SLC35D2: variants seen among roughly 807,000 people sequenced by gnomAD.
The protein encoded by SLC35D2 is solute carrier family 35 member D2, also known as nucleotide sugar transporter SLC35D2.
A neutral mutation model predicts 41.8 loss-of-function variants in SLC35D2; 43 were observed. That is an observed-to-expected ratio of 1.03 (90% CI 0.81 to 1.33). The LOEUF (loss-of-function observed/expected upper bound fraction) is 1.33, where lower values mean the gene tolerates loss of function less well. SLC35D2 is among the 40% of genes most tolerant of loss of function. The pLI, the probability that SLC35D2 is intolerant of heterozygous loss-of-function variation, is 0.00. For synonymous variants in SLC35D2, 150 were observed against 163.9 expected (o/e 0.92, Z 0.65); for missense variants, 380 against 408.4 (o/e 0.93, Z 0.60).
intron 1 of SLC35D2, chr9:96,374,195 T>C (rs1302872111): frequency 1.3e-5 from 2 of 152,198 alleles, no homozygotes; most frequent in East Asian, 3.8e-4. Context: ...GAAAATAATT[T>C]ATAAATGAAT....
chr9:96,368,182 G>A, intron 2 of SLC35D2, 90 bp downstream of exon 2: 1 of 985,618 alleles, frequency 1.0e-6, no homozygotes. Context: ...GAATAAATTT[G>A]CAAACCACAG....
At chr9:96,378,716 G>A (rs1480377163) in intron 1 of SLC35D2, among the ~76,000 whole-genome samples, 1 of 151,822 alleles carries the variant, frequency 6.6e-6, no homozygotes, top group Non-Finnish European at 1.5e-5. Flanking sequence ...ATCAACCTGG[G>A]CAATAGAGCA....
chr9:96,319,505 TA>T (rs71368243), downstream of SLC35D2, among the ~76,000 whole-genome samples: 1 of 151,014 alleles, frequency 6.6e-6, no homozygotes, highest in African/African-American at 2.4e-5. Context: ...TACCACAATT[TA>T]AAAAAAAAGT....
At position 96,321,183 on chromosome 9, in the gene SLC35D2, C is replaced by T. The variant is rs1007786832; in HGVS notation, c.*59G>A. On this transcript the variant is annotated 3_prime_UTR_variant, in exon 12 of 12. Transcript: ENST00000253270. Reference sequence around the variant, plus strand: ...CGAAACCTCTGGCTTCACATTCCTACTGGGAATGCCCCCCCAGCCCGCAGT... The same window carrying T: ...CGAAACCTCTGGCTTCACATTCCTATTGGGAATGCCCCCCCAGCCCGCAGT... 1 of 1,307,354 alleles carries T rather than the reference C, an allele frequency of 7.6e-7. No individual in the cohort carries two copies. Among genetic ancestry groups the T allele is most frequent in the Non-Finnish European group, 1.1e-6 (1 of 908,178 alleles). The allele number at this position is 1,307,354 out of a possible 1,614,324, so 81.0% of individuals were successfully genotyped here.
At chr9:96,330,742 A>G (rs975700557) in intron 9 of SLC35D2, among the ~76,000 whole-genome samples, 1 of 152,156 alleles carries the variant, frequency 6.6e-6, no homozygotes, top group Non-Finnish European at 1.5e-5. Flanking sequence ...AAACTGAGTC[A>G]CACAAAAACT....
intron 1 of SLC35D2, among the ~76,000 whole-genome samples, chr9:96,374,512 G>A (rs1278111591): frequency 8.0e-6 from 1 of 125,268 alleles, no homozygotes; most frequent in Non-Finnish European, 1.6e-5. Flanking sequence ...CCAGCCTGGC[G>A]ACAAAGCGAG....
At chr9:96,376,219 C>T (rs1250298151) in intron 1 of SLC35D2, among the ~76,000 whole-genome samples, 8 of 147,854 alleles carry the variant, frequency 5.4e-5, no homozygotes, top group East Asian at 2.0e-4. Flanking sequence ...TGCTTGAACC[C>T]GGGAGGTGGA....
At chr9:96,344,104 C>G (rs12378941) in intron 7 of SLC35D2, 108 bp from the exon 8 acceptor site, 2 of 616,750 alleles carry the variant, frequency 3.2e-6, no homozygotes, top group Non-Finnish European at 5.6e-6. Flanking sequence ...AATGTGCATT[C>G]TGAGCAACTC....
intron 8 of SLC35D2, among the ~76,000 whole-genome samples, chr9:96,343,164 T>C (rs530662677): frequency 3.3e-4 from 51 of 152,352 alleles, no homozygotes; most frequent in African/African-American, 1.2e-3. Context: ...GGGTGGCCAC[T>C]GGAGCTGTCA....
chr9:96,319,966 C>T (rs77402110), downstream of SLC35D2, among the ~76,000 whole-genome samples: 1,325 of 152,248 alleles, frequency 8.7e-3, 25 homozygotes, highest in African/African-American at 0.03. Context: ...AAAGGTCTCC[C>T]GAGTTTAATA....
chr9:96,344,019 A>C, intron 7 of SLC35D2, 23 bp from the exon 8 acceptor site: 1 of 1,500,672 alleles, frequency 6.7e-7, no homozygotes, highest in Non-Finnish European at 9.1e-7. Flanking sequence ...AAATGTAAAA[A>C]CCACTCAGTT....
At chr9:96,351,898 G>A (rs1829828275) in intron 5 of SLC35D2, 140 bp downstream of exon 5, 1 of 502,650 alleles carries the variant, frequency 2.0e-6, no homozygotes, top group Non-Finnish European at 3.6e-6. Context: ...GGGAATCACA[G>A]AAGCACAAAA....
intron 1 of SLC35D2, among the ~76,000 whole-genome samples, chr9:96,370,755 T>C (rs1830643755): frequency 6.6e-6 from 1 of 152,168 alleles, no homozygotes; most frequent in South Asian, 2.1e-4. Context: ...GAAAATTTAA[T>C]GCATGGAAGA....
At chr9:96,330,077 C>G (rs1367305821) in intron 9 of SLC35D2, among the ~76,000 whole-genome samples, 1 of 152,224 alleles carries the variant, frequency 6.6e-6, no homozygotes, top group East Asian at 1.9e-4. Context: ...GGCCTCCTGA[C>G]CACAGACTGC....
At chr9:96,321,973 G>C in intron 11 of SLC35D2, 25 bp downstream of exon 11, 1 of 1,315,564 alleles carries the variant, frequency 7.6e-7, no homozygotes, top group East Asian at 2.3e-5. Flanking sequence ...TTCCCAAAGC[G>C]AGTCCATTAA....
At chr9:96,330,448 C>A (rs944372193) in intron 9 of SLC35D2, among the ~76,000 whole-genome samples, 1 of 152,182 alleles carries the variant, frequency 6.6e-6, no homozygotes, top group Admixed American at 6.6e-5. Flanking sequence ...TCGCCTTAAA[C>A]CATACTTAAG....
intron 10 of SLC35D2, among the ~76,000 whole-genome samples, chr9:96,323,401 C>T (rs1363313997): frequency 2.0e-5 from 3 of 152,144 alleles, no homozygotes; most frequent in Non-Finnish European, 2.9e-5. Context: ...ACACAGCATA[C>T]ACCTCCACAA....
chr9:96,333,294 G>GA (rs553422591), intron 9 of SLC35D2, among the ~76,000 whole-genome samples: 40 of 151,478 alleles, frequency 2.6e-4, no homozygotes, highest in African/African-American at 4.1e-4. Context: ...ATTAAATGGG[G>GA]AAAAAAAGTA....
At chr9:96,375,937 G>C (rs2131032208) in intron 1 of SLC35D2, among the ~76,000 whole-genome samples, 1 of 152,118 alleles carries the variant, frequency 6.6e-6, no homozygotes, top group East Asian at 1.9e-4. Context: ...GAGGCAGGTG[G>C]ATCACTTGAG....
Sources: gnomAD v4.1 joint callset for allele counts (sites outside exome capture counted in the v4.1 genomes callset) on GRCh38, gnomAD v4.1.1 for gene constraint, MANE v1.5 for transcripts, NCBI Gene and HGNC (gene_info 2026-07-23, HGNC 2026-07-21) for gene names.